CBFB: variants seen among roughly 807,000 people sequenced by gnomAD.
CBFB encodes CBF-beta.
CBFB carries 9 observed loss-of-function variants against 30.4 expected under a neutral mutation model. That is an observed-to-expected ratio of 0.30 (90% CI 0.18 to 0.52). The LOEUF (loss-of-function observed/expected upper bound fraction) is 0.52, where lower values mean the gene tolerates loss of function less well. Ranked by LOEUF, CBFB falls within the 20% of genes least tolerant of loss-of-function variation. CBFB has a pLI of 0.97. For synonymous variants in CBFB, 94 were observed against 84.0 expected, an observed-to-expected ratio of 1.12 and a Z score of -0.65; for missense variants, 170 against 244.0, an observed-to-expected ratio of 0.70 and a Z score of 2.02.
chr16:67,063,301 G>T lies in CBFB; in HGVS notation c.283-3381G>T, dbSNP rs74478761. 3.2e-3 allele frequency among the ~76,000 whole-genome samples: 486 copies of T among 152,160 alleles called. 7 individuals carry two copies. Among genetic ancestry groups the T allele is most frequent in the African/African-American group, 0.011 (459 of 41,488 alleles). ...CCTTGGTCCAAATAGGAGGAGAAAT[G>T]GAACCTTTTGTATTTTGGTTATTTT... On this transcript the variant is annotated intron_variant, in intron 3 of 5. Transcript: ENST00000412916.
At position 67,100,518 on chromosome 16, in the gene CBFB, A is replaced by G. The variant is rs1962190001; in HGVS notation, c.*1740A>G. 4.4e-6 allele frequency: 1 copy of G among 228,474 alleles called. No individual in the cohort carries two copies. Among genetic ancestry groups the G allele is most frequent in the South Asian group, 1.8e-4 (1 of 5,472 alleles). 14.2% of individuals were successfully genotyped at this position (228,474 alleles called of 1,614,324 possible). On this transcript the variant is annotated 3_prime_UTR_variant, in exon 6 of 6. Transcript: ENST00000412916. ...TTGGTTTTGGTGTTGTACAGCTCAC[A>G]TGTTTACACACTCAGTGCCCTAATT... is the stretch of plus-strand genomic sequence containing the variant.
chr16:67,070,676 C>G (rs1191483859), intron 4 of CBFB, among the ~76,000 whole-genome samples: 1 of 151,406 alleles, frequency 6.6e-6, no homozygotes, highest in Non-Finnish European at 1.5e-5. Flanking sequence ...GTGGCAAAAC[C>G]CTGTCTCTAC....
At chr16:67,078,545 C>G (rs540476298) in intron 4 of CBFB, among the ~76,000 whole-genome samples, 51 of 152,110 alleles carry the variant, frequency 3.4e-4, no homozygotes, top group Non-Finnish European at 4.6e-4. Flanking sequence ...GACCCCTTCT[C>G]TAAAAAAGAG....
At chr16:67,078,935 T>C (rs1961480380) in intron 4 of CBFB, among the ~76,000 whole-genome samples, 1 of 152,152 alleles carries the variant, frequency 6.6e-6, no homozygotes. Flanking sequence ...CTTGAGCTTA[T>C]AGGTGTGAGC....
intron 5 of CBFB, among the ~76,000 whole-genome samples, chr16:67,082,638 TAAC>T (rs1169811539): frequency 6.6e-6 from 1 of 152,176 alleles, no homozygotes; most frequent in Non-Finnish European, 1.5e-5. Context: ...CAGCTTATGT[TAAC>T]AGATTGCATA....
chr16:67,093,154 C>G (rs1300069448), intron 5 of CBFB, among the ~76,000 whole-genome samples: 1 of 152,148 alleles, frequency 6.6e-6, no homozygotes, highest in Non-Finnish European at 1.5e-5. Context: ...CACTGTCACT[C>G]AGGCTGGTCT....
At chr16:67,030,045 G>A (rs1966307911) in intron 2 of CBFB, 2 of 448,920 alleles carry the variant, frequency 4.5e-6, no homozygotes, top group African/African-American at 4.2e-5. Context: ...ACGGAGCACC[G>A]CGAGTGGAGC....
At chr16:67,079,050 G>A (rs185975666) in intron 4 of CBFB, among the ~76,000 whole-genome samples, 61 of 152,238 alleles carry the variant, frequency 4.0e-4, no homozygotes, top group African/African-American at 1.3e-3. Context: ...ATTCTTTTGC[G>A]GCTACCTCTG....
At chr16:67,030,431 A>C (rs1966318219) in intron 2 of CBFB, among the ~76,000 whole-genome samples, 2 of 151,988 alleles carry the variant, frequency 1.3e-5, no homozygotes, top group Non-Finnish European at 2.9e-5. Context: ...GGCAAAACCC[A>C]CGGTTGATCT....
At chr16:67,059,976 CT>C (rs370856366) in intron 3 of CBFB, among the ~76,000 whole-genome samples, 10,268 of 132,660 alleles carry the variant, frequency 0.077, 973 homozygotes, top group African/African-American at 0.27. Context: ...TTCTTTCTTT[CT>C]TTTTTTTTTT....
At chr16:67,071,421 CTG>C (rs1961219113) in intron 4 of CBFB, among the ~76,000 whole-genome samples, 1 of 152,144 alleles carries the variant, frequency 6.6e-6, no homozygotes. Context: ...AGAGAGCTCT[CTG>C]TCTCTCTCTC....
At chr16:67,082,478 A>G (rs865864750) in intron 5 of CBFB, 170 bp downstream of exon 5, 2 of 661,700 alleles carry the variant, frequency 3.0e-6, no homozygotes, top group Admixed American at 6.2e-5. Context: ...TGCTATAAAG[A>G]AATTTATTTT....
At chr16:67,053,206 T>C (rs1297378340) in intron 3 of CBFB, among the ~76,000 whole-genome samples, 1 of 151,606 alleles carries the variant, frequency 6.6e-6, no homozygotes, top group Non-Finnish European at 1.5e-5. Context: ...AAGCACACAC[T>C]TCAGGGCAGT....
At chr16:67,038,281 T>C (rs1448893415) in intron 3 of CBFB, among the ~76,000 whole-genome samples, 1 of 149,130 alleles carries the variant, frequency 6.7e-6, no homozygotes, top group Non-Finnish European at 1.5e-5. Context: ...TTTAATCTTG[T>C]GTGTATATAT....
chr16:67,081,459 T>C (rs1054635624), intron 4 of CBFB, among the ~76,000 whole-genome samples: 2 of 152,118 alleles, frequency 1.3e-5, no homozygotes, highest in African/African-American at 4.8e-5. Context: ...ATCTGACTTT[T>C]TTTTTAATGG....
At chr16:67,068,992 A>T (rs1157567927) in intron 4 of CBFB, among the ~76,000 whole-genome samples, 1 of 152,162 alleles carries the variant, frequency 6.6e-6, no homozygotes, top group Non-Finnish European at 1.5e-5. Flanking sequence ...AGGCGGGCGG[A>T]TCACCTGAGG....
intron 4 of CBFB, among the ~76,000 whole-genome samples, chr16:67,077,046 A>G (rs2145764395): frequency 6.6e-6 from 1 of 152,312 alleles, no homozygotes; most frequent in Middle Eastern, 3.4e-3. Context: ...GCAGTTATAA[A>G]TTATATGTGT....
intron 3 of CBFB, among the ~76,000 whole-genome samples, chr16:67,037,723 A>C (rs1273454292): frequency 1.4e-5 from 2 of 143,990 alleles, no homozygotes; most frequent in Admixed American, 7.2e-5. Flanking sequence ...GCTGGAGTGC[A>C]GTGGTGTGAT....
chr16:67,084,165 CAAAAAAA>C (rs368748767), intron 5 of CBFB, among the ~76,000 whole-genome samples: 13 of 54,330 alleles, frequency 2.4e-4, no homozygotes, highest in South Asian at 7.5e-4. Flanking sequence ...GACCCTACCT[CAAAAAAA>C]AAAAAAAAAA....
Sources: allele counts gnomAD v4.1 joint callset (sites outside exome capture counted in the v4.1 genomes callset), GRCh38; gene constraint gnomAD v4.1.1; transcripts MANE v1.5; gene names NCBI Gene and HGNC (gene_info 2026-07-23, HGNC 2026-07-21).